Variants in NTPCR observed in about 807,000 individuals in gnomAD.
NTPCR encodes nucleoside-triphosphatase, cancer-related, also known as cancer-related nucleoside-triphosphatase.
NTPCR carries 15 observed loss-of-function variants against 19.5 expected under a neutral mutation model. That is an observed-to-expected ratio of 0.77 (90% CI 0.51 to 1.18). The LOEUF (loss-of-function observed/expected upper bound fraction) is 1.18. NTPCR is among the 50% of genes most tolerant of loss of function. The pLI is 0.00. For synonymous variants in NTPCR, 90 were observed against 95.8 expected, an observed-to-expected ratio of 0.94 and a Z score of 0.36; for missense variants, 206 against 240.4, an observed-to-expected ratio of 0.86 and a Z score of 0.95.
At chr1:232,953,592 C>G (rs1019777953) in intron 1 of NTPCR, among the ~76,000 whole-genome samples, 2 of 149,322 alleles carry the variant, frequency 1.3e-5, no homozygotes, top group Non-Finnish European at 1.5e-5. Flanking sequence ...AGAGTAAGAC[C>G]CATTCAGTAT....
At position 232,980,754 on chromosome 1, in the gene NTPCR, C is replaced by CAT. The variant is rs113003913; in HGVS notation, c.*2523_*2524insAT. On this transcript the variant is annotated 3_prime_UTR_variant, in exon 5 of 5. Coordinates refer to ENST00000366628, the MANE Select transcript of NTPCR (RefSeq NM_032324.3). ...GAAGAGGTGCCGTGGCAGAACTCCA[C>CAT]GTGACCGTCCCCTCCCTGCACGCAG... is the stretch of plus-strand genomic sequence containing the variant. The CAT allele has an allele frequency of 0.25, 37,354 of 152,134 alleles. 4,674 individuals carry two copies. The highest frequency in any genetic ancestry group is 0.31 in the African/African-American group (12,913 of 41,444). 9.4% of individuals were successfully genotyped at this position (152,134 alleles called of 1,614,324 possible).
rs1261500585 is a variant in NTPCR, at chr1:232,976,222, A to T, written c.505-1941A>T. The T allele has an allele frequency of 1.9e-5, 24 of 1,254,660 alleles. No homozygotes were observed. In the East Asian group the frequency reaches 6.1e-4, roughly 32 times the overall value. 77.7% of individuals were successfully genotyped at this position (1,254,660 alleles called of 1,614,324 possible). A position where few individuals can be genotyped will look rare whatever the true frequency, so the allele number is the denominator to read the frequency against. ...CAGTGCATGTATACATTGTATAATG[A>T]TCAAATCAGGGTAATTTCCATATCT... On this transcript the variant is annotated intron_variant, in intron 4 of 4. Coordinates refer to ENST00000366628, the MANE Select transcript of NTPCR (RefSeq NM_032324.3).
At chr1:232,968,851 T>C (rs1187593122) in intron 3 of NTPCR, 1 of 152,268 alleles carries the variant, frequency 6.6e-6, no homozygotes, top group South Asian at 2.1e-4. Flanking sequence ...CATTCACCAT[T>C]CATTGAAGTG....
At chr1:232,969,834 A>T in intron 3 of NTPCR, 75 bp from the exon 4 acceptor site, 3 of 1,214,270 alleles carry the variant, frequency 2.5e-6, no homozygotes, top group Non-Finnish European at 3.7e-6. Context: ...TTGGTGAGTG[A>T]TTGGGGAGTG....
chr1:232,954,312 T>C lies in NTPCR; in HGVS notation c.35-1245T>C, dbSNP rs533918461. On this transcript the variant is annotated intron_variant, in intron 1 of 4. Transcript: ENST00000366628. ...TTCCAGAAAGCCAGGTGCCATTATT[T>C]TAATGTGAAGTGTGAAGATAGATAC... Among the ~76,000 whole-genome samples the C allele has an allele frequency of 5.3e-5, 8 of 152,336 alleles. No homozygotes were observed. In the South Asian group the frequency reaches 1.7e-3, roughly 32 times the overall value.
intron 3 of NTPCR, chr1:232,966,605 AT>A: frequency 6.6e-6 from 1 of 152,362 alleles, no homozygotes; most frequent in South Asian, 2.1e-4. Flanking sequence ...TGTTGTTCTA[AT>A]CTTTCTGGAA....
chr1:232,951,849 G>T (rs906633039), intron 1 of NTPCR, among the ~76,000 whole-genome samples: 1 of 152,178 alleles, frequency 6.6e-6, no homozygotes, highest in Non-Finnish European at 1.5e-5. Context: ...GCAAAGAACT[G>T]TTTTCTGAAA....
intron 3 of NTPCR, among the ~76,000 whole-genome samples, chr1:232,957,239 CT>C (rs1171855595): frequency 6.6e-6 from 1 of 151,986 alleles, no homozygotes; most frequent in Admixed American, 6.6e-5. Context: ...TCCTTCTTTT[CT>C]AATTTTTGGA....
chr1:232,953,031 ACTC>A (rs1236110920), intron 1 of NTPCR, among the ~76,000 whole-genome samples: 3 of 151,774 alleles, frequency 2.0e-5, no homozygotes, highest in Non-Finnish European at 2.9e-5. Context: ...CTACTTTCTC[ACTC>A]CTCAGACAGG....
chr1:232,976,277 T>G (rs1419268619), intron 4 of NTPCR: 2 of 1,418,962 alleles, frequency 1.4e-6, no homozygotes, highest in Non-Finnish European at 1.8e-6. Flanking sequence ...TTTGTGGTGA[T>G]GACATTCAAA....
intron 3 of NTPCR, among the ~76,000 whole-genome samples, chr1:232,959,480 T>A (rs1023814914): frequency 3.9e-5 from 6 of 152,194 alleles, no homozygotes; most frequent in African/African-American, 1.4e-4. Context: ...TGGATTTCTT[T>A]TCTGGAGCAG....
At chr1:232,967,286 G>A (rs1668847574) in intron 3 of NTPCR, 2 of 152,164 alleles carry the variant, frequency 1.3e-5, no homozygotes, top group Non-Finnish European at 2.9e-5. Context: ...AGCAGGCTGA[G>A]TGTCTACATG....
rs1669326381 is a variant in NTPCR at position 232,983,150 on chromosome 1, C to T, written c.*4919C>T. On this transcript the variant is annotated 3_prime_UTR_variant, in exon 5 of 5. Transcript: ENST00000366628. The stretch of plus-strand genomic sequence containing the variant: ...TCTACAATACCCTTCCCCCAACCCT[C>T]TCCTCAAATTTCCAAATCCTAAATA... The T allele has an allele frequency of 6.6e-6, 1 of 152,160 alleles. No homozygotes were observed. Among genetic ancestry groups the T allele is most frequent in the Admixed American group, 6.5e-5 (1 of 15,276 alleles). 9.4% of individuals were successfully genotyped at this position (152,160 alleles called of 1,614,324 possible).
At chr1:232,965,685 G>A (rs114628070) in intron 3 of NTPCR, 3 of 152,472 alleles carry the variant, frequency 2.0e-5, no homozygotes, top group African/African-American at 7.2e-5. Flanking sequence ...CCAGTCCCAA[G>A]TGCTCAGAGC....
At chr1:232,978,130 C>T in intron 4 of NTPCR, 33 bp from the exon 5 acceptor site, 1 of 1,566,164 alleles carries the variant, frequency 6.4e-7, no homozygotes, top group Non-Finnish European at 8.8e-7. Context: ...AGGAAAGGAG[C>T]TCTGAAGCCT....
intron 1 of NTPCR, 38 bp downstream of exon 1, chr1:232,950,782 G>T (rs757363708): frequency 2.0e-6 from 3 of 1,482,228 alleles, no homozygotes; most frequent in Non-Finnish European, 1.8e-6. Flanking sequence ...AGAGGTCGAG[G>T]GGGTGGGGGC....
rs185082501 is a variant in NTPCR at position 232,959,290 on chromosome 1, C to T, written c.294+2847C>T. 7.2e-5 allele frequency among the ~76,000 whole-genome samples: 11 copies of T among 152,310 alleles called. No individual in the cohort carries two copies. The East Asian group carries it at 1.7e-3, about 24-fold the overall frequency. ...CTGCACTCTCTCTCTCCCGCCGCCA[C>T]GTGAAGAATATCCTTGCTTCCCTTC... On this transcript the variant is annotated intron_variant, in intron 3 of 4. Transcript: ENST00000366628.
chr1:232,966,827 G>A (rs1668832100), intron 3 of NTPCR: 1 of 152,330 alleles, frequency 6.6e-6, no homozygotes, highest in South Asian at 2.1e-4. Flanking sequence ...ACATAGGACT[G>A]AGGTGTGGCA....
intron 4 of NTPCR, among the ~76,000 whole-genome samples, chr1:232,974,797 C>G (rs1252962924): frequency 6.6e-6 from 1 of 152,218 alleles, no homozygotes; most frequent in South Asian, 2.1e-4. Flanking sequence ...AACTCACTCC[C>G]TCCCACTATA....
Sources: gnomAD v4.1 joint callset for allele counts (sites outside exome capture counted in the v4.1 genomes callset) on GRCh38, gnomAD v4.1.1 for gene constraint, MANE v1.5 for transcripts, NCBI Gene and HGNC (gene_info 2026-07-23, HGNC 2026-07-21) for gene names.